Variants in PCSK2 observed in about 807,000 individuals in gnomAD.
PCSK2 encodes proprotein convertase subtilisin/kexin type 2, also known as neuroendocrine convertase 2.
Under a neutral mutation model 69.7 loss-of-function variants are expected in PCSK2, and 14 were observed. The observed-to-expected ratio is 0.20, with a 90% confidence interval of 0.13 to 0.31. PCSK2 has a LOEUF of 0.31. PCSK2 is among the 10% of genes least tolerant of loss of function. PCSK2 has a pLI of 1.00. For synonymous variants in PCSK2, 307 were observed against 320.7 expected, an observed-to-expected ratio of 0.96 and a Z score of 0.46; for missense variants, 544 against 842.5, an observed-to-expected ratio of 0.65 and a Z score of 4.39.
intron 2 of PCSK2, among the ~76,000 whole-genome samples, chr20:17,298,452 G>C (rs1358367186): frequency 6.6e-6 from 1 of 152,160 alleles, no homozygotes; most frequent in Non-Finnish European, 1.5e-5. Flanking sequence ...GAAAAGACCA[G>C]GAATGCTGTT....
chr20:17,428,466 G>A (rs948685923), intron 6 of PCSK2, among the ~76,000 whole-genome samples: 4 of 152,104 alleles, frequency 2.6e-5, no homozygotes, highest in South Asian at 4.1e-4. Flanking sequence ...GGGCTGGTGC[G>A]ATAGCTTTGC....
intron 5 of PCSK2, among the ~76,000 whole-genome samples, chr20:17,378,953 CT>C (rs2031011616): frequency 6.6e-6 from 1 of 152,120 alleles, no homozygotes; most frequent in Non-Finnish European, 1.5e-5. Context: ...ATTTTACTGG[CT>C]TTTTTATTTG....
chr20:17,467,053 C>T (rs757431465), intron 11 of PCSK2, among the ~76,000 whole-genome samples: 18 of 152,192 alleles, frequency 1.2e-4, no homozygotes, highest in African/African-American at 1.4e-4. Flanking sequence ...GTCATATTTC[C>T]GAGGACCATC....
chr20:17,436,853 G>A lies in PCSK2; in HGVS notation c.855G>A (p.Thr285=), dbSNP rs189210077. 4.3e-6 allele frequency: 7 copies of A among 1,613,148 alleles called. No homozygotes were observed. Among genetic ancestry groups the A allele is most frequent in the Admixed American group, 3.3e-5 (2 of 59,890 alleles). The change falls in exon 8 of 12, where the codon ACG becomes ACA. Residue 285 remains threonine, a synonymous_variant. Coordinates refer to ENST00000262545, the MANE Select transcript of PCSK2 (RefSeq NM_002594.5). Reference sequence around the variant, plus strand: ...CAGTGGATGGGCCCCGGGAGCTCACGCTGCAGGCCATGGCCGATGGCGTGA... The same window carrying A: ...CAGTGGATGGGCCCCGGGAGCTCACACTGCAGGCCATGGCCGATGGCGTGA... The part of the protein sequence containing the change: ...GKTVDGPREL[T]LQAMADGVNK...
chr20:17,262,201 A>C (rs2123002774), intron 2 of PCSK2, among the ~76,000 whole-genome samples: 1 of 152,340 alleles, frequency 6.6e-6, no homozygotes, highest in East Asian at 1.9e-4. Context: ...TCAAAATATT[A>C]TCTGTTATCA....
intron 2 of PCSK2, among the ~76,000 whole-genome samples, chr20:17,298,035 G>A (rs961460043): frequency 1.3e-5 from 2 of 151,720 alleles, no homozygotes; most frequent in Admixed American, 6.6e-5. Flanking sequence ...TATTTTTATT[G>A]CTCTTTTCCT....
chr20:17,233,319 G>A (rs896842029), intron 1 of PCSK2, among the ~76,000 whole-genome samples: 6 of 152,282 alleles, frequency 3.9e-5, no homozygotes, highest in East Asian at 1.9e-4. Flanking sequence ...AGCACTGAGT[G>A]CATAGGATAA....
intron 2 of PCSK2, among the ~76,000 whole-genome samples, chr20:17,260,864 C>T (rs1987355154): frequency 6.6e-6 from 1 of 152,076 alleles, no homozygotes; most frequent in Non-Finnish European, 1.5e-5. Context: ...TTCTTTTTAT[C>T]CTATATTTTC....
chr20:17,410,226 G>C (rs184602455), intron 6 of PCSK2, among the ~76,000 whole-genome samples: 134 of 152,216 alleles, frequency 8.8e-4, no homozygotes, highest in Non-Finnish European at 3.8e-4. Flanking sequence ...GGGTTGAAGG[G>C]CTTCCTTGGT....
intron 1 of PCSK2, among the ~76,000 whole-genome samples, chr20:17,240,649 G>T (rs539495649): frequency 6.6e-6 from 1 of 152,346 alleles, no homozygotes; most frequent in East Asian, 1.9e-4. Flanking sequence ...AGGCTAGAAA[G>T]AAACAGTTTG....
intron 2 of PCSK2, among the ~76,000 whole-genome samples, chr20:17,301,606 C>T (rs1342214365): frequency 6.6e-6 from 1 of 152,064 alleles, no homozygotes; most frequent in Non-Finnish European, 1.5e-5. Flanking sequence ...GATTGGAGAT[C>T]ACCTTTTATT....
chr20:17,240,900 A>G (rs1035775569), intron 1 of PCSK2, among the ~76,000 whole-genome samples: 1 of 152,202 alleles, frequency 6.6e-6, no homozygotes, highest in African/African-American at 2.4e-5. Context: ...TCAACAATGC[A>G]TTGTCTAAAC....
At position 17,483,974 on chromosome 20, in the gene PCSK2, T is replaced by C. The variant is rs1467089726; in HGVS notation, c.*1904T>C. Reference sequence around the variant, plus strand: ...ATATACATACACTTGTATAAATGTATATACACATATACCTATAATGTGTGT... The same window carrying C: ...ATATACATACACTTGTATAAATGTACATACACATATACCTATAATGTGTGT... On this transcript the variant is annotated 3_prime_UTR_variant, in exon 12 of 12. Transcript: ENST00000262545. 6.6e-6 allele frequency: 1 copy of C among 152,566 alleles called. No homozygotes were observed. The highest frequency in any genetic ancestry group is 1.5e-5 in the Non-Finnish European group (1 of 68,020). The allele number at this position is 152,566 out of a possible 1,614,324, so 9.5% of individuals were successfully genotyped here.
At chr20:17,472,100 G>C (rs2033211944) in intron 11 of PCSK2, among the ~76,000 whole-genome samples, 1 of 152,236 alleles carries the variant, frequency 6.6e-6, no homozygotes, top group Admixed American at 6.5e-5. Context: ...CACCAGCTGT[G>C]TGTAGAATGA....
At chr20:17,272,822 G>C (rs1281561159) in intron 2 of PCSK2, among the ~76,000 whole-genome samples, 1 of 152,066 alleles carries the variant, frequency 6.6e-6, no homozygotes, top group Non-Finnish European at 1.5e-5. Context: ...TTTGAAGACT[G>C]TTTATATGGC....
intron 2 of PCSK2, among the ~76,000 whole-genome samples, chr20:17,358,024 G>A (rs1284129047): frequency 6.6e-6 from 1 of 151,794 alleles, no homozygotes; most frequent in Admixed American, 6.6e-5. Context: ...AATGGTAACG[G>A]GTCAGGCACA....
Position 17,454,889 on chromosome 20 carries a change from A to G in PCSK2, c.1101+932A>G, listed in dbSNP as rs559699552. ...GGCAAGATGGCCATGCCCCTGCGTG[A>G]GCGAGGAGAAGCCCTTTACCTGGAA... On this transcript the variant is annotated intron_variant, in intron 9 of 11. Coordinates refer to ENST00000262545, the MANE Select transcript of PCSK2 (RefSeq NM_002594.5). Among the ~76,000 whole-genome samples, 3 of 152,326 alleles carry G rather than the reference A, an allele frequency of 2.0e-5. No individual in the cohort carries two copies. In the East Asian group the frequency reaches 5.8e-4, roughly 30 times the overall value.
intron 2 of PCSK2, among the ~76,000 whole-genome samples, chr20:17,297,106 A>G (rs1261545392): frequency 6.6e-6 from 1 of 152,278 alleles, no homozygotes; most frequent in Non-Finnish European, 1.5e-5. Flanking sequence ...CAGAGAAGTT[A>G]GTAAACAGGG....
intron 2 of PCSK2, among the ~76,000 whole-genome samples, chr20:17,297,272 T>C (rs958094295): frequency 1.3e-5 from 2 of 152,070 alleles, no homozygotes; most frequent in Non-Finnish European, 2.9e-5. Flanking sequence ...TCCTGTTGGG[T>C]CTTGTAAACC....
Sources: allele counts gnomAD v4.1 joint callset (sites outside exome capture counted in the v4.1 genomes callset), GRCh38; gene constraint gnomAD v4.1.1; transcripts MANE v1.5; gene names NCBI Gene and HGNC (gene_info 2026-07-23, HGNC 2026-07-21).